Variants in EFNA2 observed in about 807,000 individuals in gnomAD.
The protein encoded by EFNA2 is ephrin A2.
A neutral mutation model predicts 19.7 loss-of-function variants in EFNA2; 18 were observed. The ratio of observed to expected loss-of-function variants is 0.91; its 90% confidence interval spans 0.63 to 1.35. EFNA2 has a LOEUF of 1.35. EFNA2 is among the 40% of genes most tolerant of loss of function. The probability of loss-of-function intolerance (pLI) is 0.00; values close to 1 mark genes in which losing one functional copy is unlikely to be tolerated. For synonymous variants in EFNA2, 187 were observed against 137.8 expected (o/e 1.36, Z -2.50); for missense variants, 303 against 296.0 (o/e 1.02, Z -0.17).
At position 1,287,230 on chromosome 19, in the gene EFNA2, T is replaced by C. The variant is rs1394714438; in HGVS notation, c.140+922T>C. ...GAACCCTCTGAACCATCCCAGGGTCTCCAAGACAGGAGCAGGCTGCAGCTT... is the reference window on the plus strand; with the variant it reads ...GAACCCTCTGAACCATCCCAGGGTCCCCAAGACAGGAGCAGGCTGCAGCTT... On this transcript the variant is annotated intron_variant, in intron 1 of 3. Transcript: ENST00000215368. The surrounding 1 kb of genome is among the most constrained non-coding windows in gnomAD (Gnocchi z 6.2). Among the ~76,000 whole-genome samples the C allele has an allele frequency of 6.6e-6, 1 of 152,092 alleles. No homozygotes were observed. The highest frequency in any genetic ancestry group is 2.4e-5 in the African/African-American group (1 of 41,424).
rs1464584473 is a variant in EFNA2 at position 1,295,967 on chromosome 19, A to C, written c.454+109A>C. 1.4e-5 allele frequency: 8 copies of C among 583,740 alleles called. No individual in the cohort carries two copies. Among genetic ancestry groups the C allele is most frequent in the African/African-American group, 1.1e-4 (4 of 37,938 alleles). 36.2% of individuals were successfully genotyped at this position (583,740 alleles called of 1,614,324 possible). A position where few individuals can be genotyped will look rare whatever the true frequency, so the allele number is the denominator to read the frequency against. On this transcript the variant is annotated intron_variant, in intron 2 of 3. Transcript: ENST00000215368. The surrounding 1 kb of genome is among the most constrained non-coding windows in gnomAD (Gnocchi z 5.8). The stretch of plus-strand genomic sequence containing the variant: ...GGTGGGGCCGGGGAGTGGGCGGGGC[A>C]GCGCAGTGGGCGGGGCCGCGGTGTG...
chr19:1,291,709 C>G (rs1007595221), intron 1 of EFNA2, among the ~76,000 whole-genome samples: 9 of 152,248 alleles, frequency 5.9e-5, no homozygotes, highest in African/African-American at 1.7e-4. Context: ...CCAGCCCACC[C>G]CCACCCCAGT....
chr19:1,291,493 G>C (rs2081491240), intron 1 of EFNA2, among the ~76,000 whole-genome samples: 1 of 152,206 alleles, frequency 6.6e-6, no homozygotes, highest in African/African-American at 2.4e-5. Flanking sequence ...GGTCTTGCTG[G>C]GGGTGGCAGG....
intron 1 of EFNA2, among the ~76,000 whole-genome samples, chr19:1,291,296 A>G (rs574749139): frequency 6.6e-6 from 1 of 152,166 alleles, no homozygotes; most frequent in East Asian, 1.9e-4. Context: ...GCCCTGCCTC[A>G]GTTTACCCTC....
chr19:1,290,532 G>C (rs1285360267), intron 1 of EFNA2, among the ~76,000 whole-genome samples: 2 of 152,196 alleles, frequency 1.3e-5, no homozygotes, highest in Admixed American at 1.3e-4. Context: ...GGAGGCAGTG[G>C]GTTGTGCATT....
At chr19:1,288,658 C>T (rs2081477169) in intron 1 of EFNA2, among the ~76,000 whole-genome samples, 1 of 152,028 alleles carries the variant, frequency 6.6e-6, no homozygotes, top group South Asian at 2.1e-4. Flanking sequence ...GGCCTGGCAC[C>T]TGTGCCCAGG....
chr19:1,284,382 A>G (rs574577562), upstream of EFNA2, among the ~76,000 whole-genome samples: 2 of 152,198 alleles, frequency 1.3e-5, no homozygotes, highest in African/African-American at 4.8e-5. The surrounding 1 kb of genome is among the most constrained non-coding windows in gnomAD (Gnocchi z 5.3). Flanking sequence ...GGGTCAGGGG[A>G]TGAGACCTGG....
rs1287150724 is a variant in EFNA2, at chr19:1,294,641, C to T, written c.141-904C>T. Reference sequence around the variant, plus strand: ...GAGCCCAGGATGTCTCCGAGCTGGGCGGCAGGTGGAACTCGGCAGGCTGAG... The same window carrying T: ...GAGCCCAGGATGTCTCCGAGCTGGGTGGCAGGTGGAACTCGGCAGGCTGAG... On this transcript the variant is annotated intron_variant, in intron 1 of 3. Coordinates refer to ENST00000215368, the MANE Select transcript of EFNA2 (RefSeq NM_001405.4). This position sits in a 1 kb window ranked among gnomAD's most constrained non-coding sequence, Gnocchi z 5.8. Among the ~76,000 whole-genome samples, 2 of 138,686 alleles carry T rather than the reference C, an allele frequency of 1.4e-5. No homozygotes were observed. The highest frequency in any genetic ancestry group is 3.1e-5 in the Non-Finnish European group (2 of 65,158). 91.0% of individuals were successfully genotyped at this position (138,686 alleles called of 152,430 possible).
rs1240056766 is a variant in EFNA2, at chr19:1,297,738, G to C, written c.455-813G>C. ...TTCTGGGGGCCCGAAAGCAGGGGCG[G>C]TGATGCTGGAATTTTGGGCGTAAGA... On this transcript the variant is annotated intron_variant, in intron 2 of 3. Transcript: ENST00000215368. The surrounding 1 kb of genome is among the most constrained non-coding windows in gnomAD (Gnocchi z 5.0). Among the ~76,000 whole-genome samples the C allele has an allele frequency of 6.6e-6, 1 of 152,126 alleles. No homozygotes were observed. Among genetic ancestry groups the C allele is most frequent in the African/African-American group, 2.4e-5 (1 of 41,416 alleles).
Position 1,286,419 on chromosome 19 carries a change from C to A in EFNA2, c.140+111C>A. On this transcript the variant is annotated intron_variant, in intron 1 of 3. Transcript: ENST00000215368. This position sits in a 1 kb window ranked among gnomAD's most constrained non-coding sequence, Gnocchi z 5.6. ...GCGCCCCCCACGCGCGCGCCGCCGC[C>A]GGGATGCGGGCGCCCGGTTCCCGCG... 1 of 333,304 alleles carries A rather than the reference C, an allele frequency of 3.0e-6. No individual in the cohort carries two copies. Among genetic ancestry groups the A allele is most frequent in the Non-Finnish European group, 4.3e-6 (1 of 235,268 alleles). The allele number at this position is 333,304 out of a possible 1,614,324, so 20.6% of individuals were successfully genotyped here.
Position 1,296,069 on chromosome 19 carries a change from C to G in EFNA2, c.454+211C>G, listed in dbSNP as rs2081514027. 6.6e-6 allele frequency among the ~76,000 whole-genome samples: 1 copy of G among 151,976 alleles called. No individual in the cohort carries two copies. The highest frequency in any genetic ancestry group is 1.5e-5 in the Non-Finnish European group (1 of 67,942). ...CGGGGCCGCGGAGTGGGGCCAGGGC[C>G]GGTGCTGGCCACTGACCCACCCCGG... is the stretch of plus-strand genomic sequence containing the variant. On this transcript the variant is annotated intron_variant, in intron 2 of 3. Transcript: ENST00000215368. This position sits in a 1 kb window ranked among gnomAD's most constrained non-coding sequence, Gnocchi z 4.4.
Position 1,300,812 on chromosome 19 carries a change from C to A in EFNA2, c.*867C>A, listed in dbSNP as rs578007877. Among the ~76,000 whole-genome samples the A allele has an allele frequency of 1.3e-5, 2 of 152,226 alleles. No homozygotes were observed. The highest frequency in any genetic ancestry group is 4.8e-5 in the African/African-American group (2 of 41,446). On this transcript the variant is annotated 3_prime_UTR_variant, in exon 4 of 4. Transcript: ENST00000215368. ...ATGCAAACAGCCCCCTACCCGTCCC[C>A]CTCGCCTCACACGGTCCCTCTCCGA...
intron 1 of EFNA2, among the ~76,000 whole-genome samples, chr19:1,288,398 A>AGGAGT (rs1345473513): frequency 6.6e-6 from 1 of 151,576 alleles, no homozygotes; most frequent in African/African-American, 2.4e-5. Flanking sequence ...GCTTGGGGAG[A>AGGAGT]GGAGTGGCGT....
chr19:1,298,485 A>T, intron 2 of EFNA2, 66 bp from the exon 3 acceptor site: 2 of 1,548,680 alleles, frequency 1.3e-6, no homozygotes, highest in Non-Finnish European at 1.8e-6. Context: ...GGAAGGGAGT[A>T]CAGCCCCAGG....
rs1484334239 is a variant in EFNA2 at position 1,300,152 on chromosome 19, C to CA, written c.*207_*208insA. On this transcript the variant is annotated 3_prime_UTR_variant, in exon 4 of 4. Coordinates refer to ENST00000215368, the MANE Select transcript of EFNA2 (RefSeq NM_001405.4). ...GAGGGGAAACGGCCGAGAGCCCCCC[C>CA]CCGGAGGCCCGAGGGGCCGGGGTGT... The CA allele has an allele frequency of 3.1e-6, 2 of 645,506 alleles. No individual in the cohort carries two copies. Among genetic ancestry groups the CA allele is most frequent in the African/African-American group, 3.9e-5 (2 of 51,294 alleles). 40.0% of individuals were successfully genotyped at this position (645,506 alleles called of 1,614,324 possible).
In EFNA2 at chr19:1,287,534, C is replaced by A. The variant is rs955416193; in HGVS notation, c.140+1226C>A. Among the ~76,000 whole-genome samples the A allele has an allele frequency of 3.3e-5, 5 of 152,150 alleles. No homozygotes were observed. The highest frequency in any genetic ancestry group is 6.5e-5 in the Admixed American group (1 of 15,284). ...CGGGAGGAAAGTTGCATGAAGGGGT[C>A]TCTTTGAGGCGGGCTCGGGGACAAG... is the stretch of plus-strand genomic sequence containing the variant. On this transcript the variant is annotated intron_variant, in intron 1 of 3. Coordinates refer to ENST00000215368, the MANE Select transcript of EFNA2 (RefSeq NM_001405.4). The surrounding 1 kb of genome is among the most constrained non-coding windows in gnomAD (Gnocchi z 6.2).
In EFNA2 at chr19:1,295,880, C is replaced by T. The variant is rs2081512364; in HGVS notation, c.454+22C>T. On this transcript the variant is annotated intron_variant, in intron 2 of 3. Transcript: ENST00000215368. This position sits in a 1 kb window ranked among gnomAD's most constrained non-coding sequence, Gnocchi z 5.8. ...ATCTGTGAGTGGGGTCGGGCCGGGG[C>T]TGCCGGGGCCCGAGTGGGCGGGGAC... 2.7e-6 allele frequency: 4 copies of T among 1,485,606 alleles called. No homozygotes were observed. The highest frequency in any genetic ancestry group is 3.6e-6 in the Non-Finnish European group (4 of 1,117,858). The allele number at this position is 1,485,606 out of a possible 1,614,324, so 92.0% of individuals were successfully genotyped here.
Position 1,295,930 on chromosome 19 carries a change from C to G in EFNA2, c.454+72C>G. On this transcript the variant is annotated intron_variant, in intron 2 of 3. Coordinates refer to ENST00000215368, the MANE Select transcript of EFNA2 (RefSeq NM_001405.4). The surrounding 1 kb of genome is among the most constrained non-coding windows in gnomAD (Gnocchi z 5.8). The stretch of plus-strand genomic sequence containing the variant: ...CGCGGGGGCGGGGCCAGGAAGTGGG[C>G]GGGACCACTGGGGTGGGGCCGGGGA... The G allele has an allele frequency of 7.5e-5, 24 of 321,974 alleles. No individual in the cohort carries two copies. Among genetic ancestry groups the G allele is most frequent in the Middle Eastern group, 1.1e-3 (1 of 902 alleles). 19.9% of individuals were successfully genotyped at this position (321,974 alleles called of 1,614,324 possible).
intron 3 of EFNA2, 73 bp from the exon 4 acceptor site, chr19:1,299,751 G>T (rs1345713600): frequency 2.7e-6 from 4 of 1,507,688 alleles, no homozygotes; most frequent in Non-Finnish European, 3.5e-6. Flanking sequence ...TGTGCACCCT[G>T]AGGGCGGGCG....
Sources: allele counts gnomAD v4.1 joint callset (sites outside exome capture counted in the v4.1 genomes callset), GRCh38; gene constraint gnomAD v4.1.1; non-coding constraint Gnocchi (gnomAD v3.1); transcripts MANE v1.5; gene names NCBI Gene and HGNC (gene_info 2026-07-23, HGNC 2026-07-21).